Variants in PGAP2 observed in about 807,000 individuals in gnomAD.
PGAP2 encodes the protein acyltransferase PGAP2.
In PGAP2, 21 loss-of-function variants were observed where a neutral mutation model predicts 33.2. The observed-to-expected ratio is 0.63, with a 90% CI of 0.45 to 0.91. The LOEUF is 0.91. Among genes scored for constraint, PGAP2 ranks in the 40% least tolerant of loss-of-function variants. The probability of loss-of-function intolerance (pLI) is 0.00; values close to 1 mark genes in which losing one functional copy is unlikely to be tolerated. For missense variants in PGAP2, 345 were observed against 424.0 expected (o/e 0.81, Z 1.64); for synonymous variants, 161 against 172.9 (o/e 0.93, Z 0.54).
chr11:3,819,354 G>A (rs61301846), intron 3 of PGAP2, among the ~76,000 whole-genome samples: 5,087 of 152,100 alleles, frequency 0.033, 260 homozygotes, highest in African/African-American at 0.12. Flanking sequence ...TAAGGAGGCT[G>A]GTGCAGTAGC....
intron 3 of PGAP2, among the ~76,000 whole-genome samples, chr11:3,818,723 A>C (rs549846311): frequency 6.6e-6 from 1 of 152,334 alleles, no homozygotes; most frequent in Non-Finnish European, 1.5e-5. Flanking sequence ...TGCTAGGGGC[A>C]TGGAATTAGA....
intron 1 of PGAP2, among the ~76,000 whole-genome samples, chr11:3,809,963 G>A (rs2085209156): frequency 6.6e-6 from 1 of 152,204 alleles, no homozygotes; most frequent in South Asian, 2.1e-4. Context: ...CTTGTGGGTG[G>A]GGTCAGGAAG....
intron 3 of PGAP2, among the ~76,000 whole-genome samples, chr11:3,821,757 C>T (rs183822905): frequency 7.4e-6 from 1 of 135,870 alleles, no homozygotes; most frequent in African/African-American, 2.7e-5. Flanking sequence ...GACTCCATCT[C>T]AAAAAAAAAA....
In PGAP2 at chr11:3,802,881, C is replaced by T. The variant is rs572665279; in HGVS notation, c.139+4899C>T. Among the ~76,000 whole-genome samples, 9 of 147,952 alleles carry T rather than the reference C, an allele frequency of 6.1e-5. No homozygotes were observed. In the South Asian group the frequency reaches 6.4e-4, roughly 10 times the overall value. On this transcript the variant is annotated intron_variant, in intron 1 of 6. Transcript: ENST00000300730. ...TGGCTCTTTTGCCTAGGCTGGAGTG[C>T]AGTGGCACCATCTCGGCTCACTGCA...
chr11:3,797,785 C>T, upstream of PGAP2: 2 of 1,540,470 alleles, frequency 1.3e-6, no homozygotes, highest in South Asian at 1.2e-5. Flanking sequence ...CCCCTCGCCG[C>T]CGCGGTTGGC....
chr11:3,802,108 A>T (rs1698973855), intron 1 of PGAP2, among the ~76,000 whole-genome samples: 1 of 131,778 alleles, frequency 7.6e-6, no homozygotes, highest in African/African-American at 2.9e-5. Context: ...AATGGTTCTG[A>T]AAGAAATGTC....
chr11:3,802,952 G>A (rs113943509), intron 1 of PGAP2, among the ~76,000 whole-genome samples: 5 of 147,396 alleles, frequency 3.4e-5, no homozygotes, highest in African/African-American at 5.0e-5. Context: ...TCAGCCTCCC[G>A]AGTAGCTGGG....
At chr11:3,798,002 C>T in intron 1 of PGAP2, 1 of 1,536,740 alleles carries the variant, frequency 6.5e-7, no homozygotes, top group East Asian at 2.6e-5. Flanking sequence ...CGACCCTTTC[C>T]TTGCCCCGGT....
chr11:3,797,906 C>G, exon 1 of PGAP2: 1 of 1,548,456 alleles, frequency 6.5e-7, no homozygotes, highest in East Asian at 2.5e-5. Flanking sequence ...ATAGAGACTC[C>G]GCCCCCTTCC....
At chr11:3,803,973 T>C (rs1045258594), upstream of PGAP2, among the ~76,000 whole-genome samples, 2 of 151,628 alleles carry the variant, frequency 1.3e-5, no homozygotes, top group African/African-American at 4.8e-5. Flanking sequence ...GCATTTTTAG[T>C]AGAAAGAAGA....
At chr11:3,803,236 G>A (rs866123806) in intron 1 of PGAP2, among the ~76,000 whole-genome samples, 17 of 150,752 alleles carry the variant, frequency 1.1e-4, no homozygotes, top group Admixed American at 3.3e-4. Flanking sequence ...CAGATGATCC[G>A]CCCACCTCGG....
chr11:3,824,916 A>C (rs1482115768), intron 5 of PGAP2, 104 bp from the exon 6 acceptor site: 1 of 1,548,754 alleles, frequency 6.5e-7, no homozygotes, highest in East Asian at 2.3e-5. Context: ...CGCTAGTGGG[A>C]GCCAAGGGAG....
chr11:3,797,725 G>A (rs2082756478), upstream of PGAP2: 4 of 1,143,858 alleles, frequency 3.5e-6, no homozygotes, highest in Admixed American at 1.1e-4. Flanking sequence ...GGGGCAGAAG[G>A]AGTTCGGGGA....
chr11:3,819,946 G>A (rs182193331), intron 3 of PGAP2, among the ~76,000 whole-genome samples: 6 of 152,216 alleles, frequency 3.9e-5, no homozygotes, highest in Non-Finnish European at 8.8e-5. Flanking sequence ...GACAGGACCA[G>A]CAGCCACAAT....
At position 3,824,146 on chromosome 11, in the gene PGAP2, G is replaced by A; in HGVS notation, c.601+11G>A. 6.2e-7 allele frequency: 1 copy of A among 1,613,748 alleles called. No homozygotes were observed. On this transcript the variant is annotated intron_variant, in intron 4 of 6. Transcript: ENST00000278243. Reference sequence around the variant, plus strand: ...CCTCCGAGGACTTCAGTGGGTGCCTGGATGAGGGAGGAGTGGGGAAGTGTT... The same window carrying A: ...CCTCCGAGGACTTCAGTGGGTGCCTAGATGAGGGAGGAGTGGGGAAGTGTT...
At chr11:3,809,151 C>T (rs946815695) in intron 1 of PGAP2, among the ~76,000 whole-genome samples, 4 of 152,092 alleles carry the variant, frequency 2.6e-5, no homozygotes, top group Non-Finnish European at 5.9e-5. Context: ...CGTAGGCACT[C>T]AGTAAATGTG....
At chr11:3,819,357 G>A (rs2087946681) in intron 3 of PGAP2, among the ~76,000 whole-genome samples, 1 of 152,170 alleles carries the variant, frequency 6.6e-6, no homozygotes, top group Non-Finnish European at 1.5e-5. Flanking sequence ...GGAGGCTGGT[G>A]CAGTAGCTCA....
upstream of PGAP2, among the ~76,000 whole-genome samples, chr11:3,805,208 T>A (rs1211641528): frequency 1.3e-5 from 2 of 151,768 alleles, no homozygotes; most frequent in Non-Finnish European, 1.5e-5. Flanking sequence ...CCCACATGGC[T>A]GGCACACTGC....
At chr11:3,802,075 C>CTTT (rs1564970606) in intron 1 of PGAP2, among the ~76,000 whole-genome samples, 4 of 53,240 alleles carry the variant, frequency 7.5e-5, no homozygotes, top group Non-Finnish European at 5.4e-5. Flanking sequence ...TTTTCCTTTT[C>CTTT]CTTTTTTTTT....
Sources: allele counts gnomAD v4.1 joint callset (sites outside exome capture counted in the v4.1 genomes callset), GRCh38; gene constraint gnomAD v4.1.1; transcripts MANE v1.5; gene names NCBI Gene and HGNC (gene_info 2026-07-23, HGNC 2026-07-21).